The following SPON1 variants were observed in gnomAD, a reference collection of about 807,000 sequenced individuals.
SPON1 encodes spondin 1, also known as spondin-1.
A neutral mutation model predicts 111.7 loss-of-function variants in SPON1; 52 were observed. The observed-to-expected ratio is 0.47, with a 90% CI of 0.37 to 0.59. The LOEUF (loss-of-function observed/expected upper bound fraction) is 0.59, where lower values mean the gene tolerates loss of function less well. SPON1 is among the 20% of genes least tolerant of loss of function. The pLI is 0.00. For synonymous variants in SPON1, 410 were observed against 395.8 expected (o/e 1.04, Z -0.43); for missense variants, 957 against 1,068.5 (o/e 0.90, Z 1.46).
At chr11:13,982,559 T>C (rs1298404502) in intron 1 of SPON1, among the ~76,000 whole-genome samples, 8 of 152,330 alleles carry the variant, frequency 5.3e-5, no homozygotes, top group African/African-American at 1.9e-4. Context: ...CCAGGGACTA[T>C]CTTTATCAAA....
At chr11:13,988,643 C>T (rs1848204067) in intron 2 of SPON1, among the ~76,000 whole-genome samples, 1 of 152,166 alleles carries the variant, frequency 6.6e-6, no homozygotes. Context: ...AAAGGGAATG[C>T]TTCCAGTTTT....
chr11:14,237,261 G>A (rs370393002), intron 6 of SPON1, among the ~76,000 whole-genome samples: 1 of 152,268 alleles, frequency 6.6e-6, no homozygotes, highest in South Asian at 2.1e-4. Context: ...CAAATAATGG[G>A]GCCAAATAGT....
chr11:14,115,539 A>T (rs1444521152), intron 5 of SPON1, among the ~76,000 whole-genome samples: 5 of 152,224 alleles, frequency 3.3e-5, no homozygotes, highest in Non-Finnish European at 7.3e-5. Context: ...TTTTGTTTAT[A>T]GTATATAGTT....
At chr11:14,261,002 T>C (rs1554941867) in intron 14 of SPON1, among the ~76,000 whole-genome samples, 1 of 152,102 alleles carries the variant, frequency 6.6e-6, no homozygotes, top group African/African-American at 2.4e-5. Context: ...GACAGACACA[T>C]ACGAAAAACA....
chr11:14,186,500 T>C (rs1488750514), intron 6 of SPON1, among the ~76,000 whole-genome samples: 1 of 152,132 alleles, frequency 6.6e-6, no homozygotes, highest in East Asian at 1.9e-4. Flanking sequence ...GGGAGATGCA[T>C]TTGATGTAGT....
intron 2 of SPON1, among the ~76,000 whole-genome samples, chr11:14,007,895 T>C (rs1564884613): frequency 6.6e-6 from 1 of 152,182 alleles, no homozygotes; most frequent in Non-Finnish European, 1.5e-5. Flanking sequence ...TCTCCTTGTC[T>C]CTGTCTCAAA....
chr11:14,081,619 C>G (rs191547638), intron 5 of SPON1, among the ~76,000 whole-genome samples: 1 of 151,832 alleles, frequency 6.6e-6, no homozygotes, highest in Non-Finnish European at 1.5e-5. Flanking sequence ...TGGCACTGAG[C>G]CTGTTTTTTT....
chr11:14,042,393 C>T (rs1373733700), intron 3 of SPON1, among the ~76,000 whole-genome samples: 11 of 109,906 alleles, frequency 1.0e-4, no homozygotes, highest in East Asian at 3.7e-4. Context: ...AAAGTCCTGG[C>T]GAAAAAAAAA....
chr11:14,045,450 C>T lies in SPON1; in HGVS notation c.479+3796C>T, dbSNP rs972063396. Among the ~76,000 whole-genome samples, 8 of 151,822 alleles carry T rather than the reference C, an allele frequency of 5.3e-5. No homozygotes were observed. The East Asian group carries it at 7.7e-4, about 15-fold the overall frequency. On this transcript the variant is annotated intron_variant, in intron 3 of 15. Transcript: ENST00000576479. ...AAAATTAGCCAGGTATGGTGGCATGCGCCTGTAATCCCAGCTACTCAGGAG... is the reference window on the plus strand; with the variant it reads ...AAAATTAGCCAGGTATGGTGGCATGTGCCTGTAATCCCAGCTACTCAGGAG...
intron 5 of SPON1, among the ~76,000 whole-genome samples, chr11:14,105,592 T>TG (rs1849178392): frequency 6.9e-6 from 1 of 144,570 alleles, no homozygotes; most frequent in Non-Finnish European, 1.5e-5. Flanking sequence ...CACCCCACCC[T>TG]GCACCCAGGT....
At chr11:13,997,737 G>A (rs1383139319) in intron 2 of SPON1, among the ~76,000 whole-genome samples, 2 of 152,162 alleles carry the variant, frequency 1.3e-5, no homozygotes, top group African/African-American at 4.8e-5. Flanking sequence ...GATTGGGATC[G>A]CTGTAAAATA....
intron 2 of SPON1, among the ~76,000 whole-genome samples, chr11:14,028,925 T>C (rs1848538840): frequency 6.6e-6 from 1 of 152,160 alleles, no homozygotes; most frequent in Admixed American, 6.5e-5. Flanking sequence ...TTTCACCTGG[T>C]TTGAAGGATA....
chr11:14,010,777 T>C (rs1166649571), intron 2 of SPON1, among the ~76,000 whole-genome samples: 1 of 152,222 alleles, frequency 6.6e-6, no homozygotes, highest in African/African-American at 2.4e-5. Flanking sequence ...TGGACTCATA[T>C]CCTAGGCCAA....
chr11:14,035,096 C>A (rs1321648171), intron 2 of SPON1, among the ~76,000 whole-genome samples: 1 of 152,160 alleles, frequency 6.6e-6, no homozygotes, highest in Non-Finnish European at 1.5e-5. Flanking sequence ...TCACTTTTAC[C>A]AAGTACTTAT....
At chr11:13,984,061 AC>A (rs1171570898) in intron 2 of SPON1, among the ~76,000 whole-genome samples, 1 of 152,062 alleles carries the variant, frequency 6.6e-6, no homozygotes. Context: ...ATGGCAAAGA[AC>A]CTCTTGGCAT....
At chr11:14,238,486 G>C (rs568901588) in intron 6 of SPON1, among the ~76,000 whole-genome samples, 1 of 152,286 alleles carries the variant, frequency 6.6e-6, no homozygotes, top group Non-Finnish European at 1.5e-5. Flanking sequence ...GCTGGCTCTG[G>C]AGTGCAGAGG....
At chr11:14,038,113 C>T (rs1027708430) in intron 2 of SPON1, among the ~76,000 whole-genome samples, 1 of 134,324 alleles carries the variant, frequency 7.4e-6, no homozygotes, top group Non-Finnish European at 1.7e-5. Context: ...TTGCAGTGAG[C>T]CGAGATCGTG....
At chr11:13,983,237 C>A (rs1848158101) in intron 2 of SPON1, among the ~76,000 whole-genome samples, 1 of 152,232 alleles carries the variant, frequency 6.6e-6, no homozygotes, top group South Asian at 2.1e-4. Flanking sequence ...GCACTTGGAG[C>A]CCTGGCTAGG....
At chr11:14,042,474 A>C (rs2133814131) in intron 3 of SPON1, among the ~76,000 whole-genome samples, 1 of 152,292 alleles carries the variant, frequency 6.6e-6, no homozygotes, top group Non-Finnish European at 1.5e-5. Flanking sequence ...GGTGAAACAT[A>C]GGCATAATCT....
Sources: allele counts gnomAD v4.1 joint callset (sites outside exome capture counted in the v4.1 genomes callset), GRCh38; gene constraint gnomAD v4.1.1; transcripts MANE v1.5; gene names NCBI Gene and HGNC (gene_info 2026-07-23, HGNC 2026-07-21).